The following HTR3B variants were observed in gnomAD, a reference collection of about 807,000 sequenced individuals.
The protein encoded by HTR3B is 5-hydroxytryptamine (serotonin) receptor 3B, ionotropic.
In HTR3B, 44 loss-of-function variants were observed where a neutral mutation model predicts 42.8. The observed-to-expected ratio is 1.03, with a 90% confidence interval of 0.81 to 1.32. HTR3B has a LOEUF of 1.32. Ranked by LOEUF, HTR3B falls within the 40% of genes most tolerant of loss-of-function variation. The probability of loss-of-function intolerance (pLI) is 0.00; values close to 1 mark genes in which losing one functional copy is unlikely to be tolerated. For missense variants in HTR3B, 527 were observed against 536.5 expected, an observed-to-expected ratio of 0.98 and a Z score of 0.17; for synonymous variants, 203 against 209.0, an observed-to-expected ratio of 0.97 and a Z score of 0.25.
upstream of HTR3B, among the ~76,000 whole-genome samples, chr11:113,900,112 G>A (rs1376071682): frequency 6.6e-6 from 1 of 151,994 alleles, no homozygotes; most frequent in African/African-American, 2.4e-5. Flanking sequence ...ACAAAAATTA[G>A]CCGGGTGTGG....
intron 2 of HTR3B, among the ~76,000 whole-genome samples, chr11:113,924,769 C>T (rs1196446074): frequency 6.6e-6 from 1 of 151,812 alleles, no homozygotes; most frequent in African/African-American, 2.4e-5. Flanking sequence ...CAAGTTGTTC[C>T]TTGGGGAAAT....
intron 6 of HTR3B, among the ~76,000 whole-genome samples, chr11:113,942,195 C>A (rs1302876463): frequency 2.6e-5 from 4 of 152,142 alleles, no homozygotes; most frequent in Admixed American, 1.3e-4. Context: ...CATGGTGAAA[C>A]CCCATCTCTA....
At chr11:113,924,689 CT>C (rs941967434) in intron 2 of HTR3B, among the ~76,000 whole-genome samples, 6 of 146,358 alleles carry the variant, frequency 4.1e-5, no homozygotes, top group African/African-American at 1.5e-4. Flanking sequence ...CTCATTAGAG[CT>C]TTTTTTTCAG....
intron 2 of HTR3B, among the ~76,000 whole-genome samples, chr11:113,924,387 G>A (rs1591577609): frequency 6.6e-6 from 1 of 152,022 alleles, no homozygotes; most frequent in Non-Finnish European, 1.5e-5. Context: ...AGGCCAAGGT[G>A]GGAGGACTGC....
chr11:113,926,021 C>T (rs1446743576), intron 2 of HTR3B, among the ~76,000 whole-genome samples: 1 of 152,078 alleles, frequency 6.6e-6, no homozygotes, highest in Non-Finnish European at 1.5e-5. Context: ...GCAGTCACAC[C>T]TCACATTCCA....
intron 2 of HTR3B, among the ~76,000 whole-genome samples, chr11:113,916,715 C>A (rs1565558196): frequency 6.6e-6 from 1 of 152,052 alleles, no homozygotes; most frequent in African/African-American, 2.4e-5. Flanking sequence ...TCTTTAATTT[C>A]TTTTATTAAT....
Position 113,945,257 on chromosome 11 carries a change from C to T in HTR3B, c.1090+502C>T, listed in dbSNP as rs551645511. Among the ~76,000 whole-genome samples, 22 of 152,226 alleles carry T rather than the reference C, an allele frequency of 1.4e-4. No individual in the cohort carries two copies. In the East Asian group the frequency reaches 4.1e-3, roughly 28 times the overall value. ...TCAAGCTATTCTCCTGCCTCAGCCT[C>T]CCGAGTAGCTAGGACTATAGGCGTG... On this transcript the variant is annotated intron_variant, in intron 8 of 8. Transcript: ENST00000260191.
chr11:113,912,598 GTA>G (rs904444148), intron 2 of HTR3B, among the ~76,000 whole-genome samples: 7 of 152,206 alleles, frequency 4.6e-5, no homozygotes, highest in African/African-American at 1.7e-4. Flanking sequence ...ACAGGAGGGT[GTA>G]TACTTAATGA....
intron 2 of HTR3B, among the ~76,000 whole-genome samples, chr11:113,918,700 A>G (rs1194228623): frequency 7.0e-6 from 1 of 143,498 alleles, no homozygotes; most frequent in East Asian, 2.0e-4. Context: ...TCTGTCCCCC[A>G]GGCTGGAGTG....
intron 1 of HTR3B, among the ~76,000 whole-genome samples, chr11:113,905,515 A>G (rs1192577372): frequency 6.6e-6 from 1 of 152,216 alleles, no homozygotes; most frequent in Non-Finnish European, 1.5e-5. Flanking sequence ...ATATCTCTAA[A>G]GACAGGTACT....
chr11:113,902,218 G>C (rs938510824), upstream of HTR3B, among the ~76,000 whole-genome samples: 4 of 152,138 alleles, frequency 2.6e-5, no homozygotes, highest in Non-Finnish European at 4.4e-5. Context: ...ATAGTACAAA[G>C]AATTCCCCTA....
chr11:113,911,122 G>A (rs750760224), intron 2 of HTR3B, among the ~76,000 whole-genome samples: 8 of 151,996 alleles, frequency 5.3e-5, no homozygotes, highest in Non-Finnish European at 7.4e-5. Context: ...CACTGCACCC[G>A]GCCAAAAATT....
chr11:113,906,898 G>A (rs896978154), intron 1 of HTR3B, among the ~76,000 whole-genome samples: 1 of 152,168 alleles, frequency 6.6e-6, no homozygotes, highest in African/African-American at 2.4e-5. Flanking sequence ...CATACAGTCA[G>A]CATTCAATTA....
rs1178349965 is a variant in HTR3B, at chr11:113,946,118, C to T, written c.1307C>T (p.Ala436Val). The T allele has an allele frequency of 1.2e-6, 2 of 1,613,338 alleles. No individual in the cohort carries two copies. Among genetic ancestry groups the T allele is most frequent in the South Asian group, 1.1e-5 (1 of 91,054 alleles). ...ACCATCACTCTGTGCTCCCTCTGGG[C>T]ACTGTGGGGCGGCGTGTGAAGACTG... ...IYTITLCSLW[A>V]LWGGV The change falls in exon 9 of 9, where the codon GCA becomes GTA. Residue 436 changes from alanine (A) to valine (V), a missense_variant. Coordinates refer to ENST00000260191, the MANE Select transcript of HTR3B (RefSeq NM_006028.5).
intron 2 of HTR3B, among the ~76,000 whole-genome samples, chr11:113,929,949 G>T (rs1163328066): frequency 2.0e-5 from 3 of 152,028 alleles, no homozygotes; most frequent in African/African-American, 7.2e-5. Flanking sequence ...AGCCAGGATG[G>T]TCTCCATCTC....
chr11:113,906,158 T>C (rs2137480950), intron 1 of HTR3B, among the ~76,000 whole-genome samples: 1 of 152,362 alleles, frequency 6.6e-6, no homozygotes, highest in South Asian at 2.1e-4. Flanking sequence ...TGATAACCAG[T>C]GCTTTACCAT....
At chr11:113,901,388 C>T (rs1379006900), upstream of HTR3B, among the ~76,000 whole-genome samples, 1 of 151,232 alleles carries the variant, frequency 6.6e-6, no homozygotes, top group Non-Finnish European at 1.5e-5. Context: ...CTACAGTGAG[C>T]CATGATCACA....
chr11:113,931,274 C>A, intron 2 of HTR3B, 110 bp from the exon 3 acceptor site: 1 of 762,800 alleles, frequency 1.3e-6, no homozygotes. Flanking sequence ...TTAATATCAG[C>A]ATTATTTGGT....
At chr11:113,934,919 C>T (rs1950076549) in intron 6 of HTR3B, among the ~76,000 whole-genome samples, 1 of 152,060 alleles carries the variant, frequency 6.6e-6, no homozygotes, top group Non-Finnish European at 1.5e-5. Flanking sequence ...AACATAGTCA[C>T]CTACCAAGTG....
Sources: gnomAD v4.1 joint callset for allele counts (sites outside exome capture counted in the v4.1 genomes callset) on GRCh38, gnomAD v4.1.1 for gene constraint, MANE v1.5 for transcripts, NCBI Gene and HGNC (gene_info 2026-07-23, HGNC 2026-07-21) for gene names.